ZCCHC8: variants seen among roughly 807,000 people sequenced by gnomAD.
ZCCHC8 encodes zinc finger CCHC domain-containing protein 8.
Under a neutral mutation model 70.6 loss-of-function variants are expected in ZCCHC8, and 27 were observed. The ratio of observed to expected loss-of-function variants is 0.38; its 90% confidence interval spans 0.28 to 0.53. ZCCHC8 has a LOEUF of 0.53. Among genes scored for constraint, ZCCHC8 ranks in the 20% least tolerant of loss-of-function variants. The pLI, the probability that ZCCHC8 is intolerant of heterozygous loss-of-function variation, is 0.81. For missense variants in ZCCHC8, 737 were observed against 876.9 expected, an observed-to-expected ratio of 0.84 and a Z score of 2.01; for synonymous variants, 293 against 317.4, an observed-to-expected ratio of 0.92 and a Z score of 0.82.
chr12:122,493,742 A>G (rs912700585), intron 2 of ZCCHC8, among the ~76,000 whole-genome samples: 1 of 151,746 alleles, frequency 6.6e-6, no homozygotes, highest in African/African-American at 2.4e-5. Flanking sequence ...CTTCCCAAGT[A>G]GCTGGGACTA....
chr12:122,475,192 G>A (rs562178541), intron 13 of ZCCHC8, among the ~76,000 whole-genome samples: 13 of 151,744 alleles, frequency 8.6e-5, no homozygotes, highest in African/African-American at 1.7e-4. Context: ...GGATTACAGC[G>A]CACGCCAACA....
Position 122,500,727 on chromosome 12 carries a change from C to G in ZCCHC8, c.114G>C (p.Glu38Asp). Residue 38 changes from glutamate to aspartate, a missense_variant, in exon 1 of 14, where the codon GAG (glutamate) becomes GAC (aspartate). By Grantham distance (45) the Glu-to-Asp change is conservative (BLOSUM62 2). Transcript: ENST00000633063. This position sits in a 1 kb window ranked among gnomAD's most constrained non-coding sequence, Gnocchi z 4.8. Reference protein sequence around the residue: ...HTRFKDDDGDEEDENGVGDAE... With the variant: ...HTRFKDDDGDDEDENGVGDAE... ...CGTCGCCGACCCCATTTTCGTCCTC[C>G]TCGTCGCCGTCGTCGTCCTTGAAGC... 1 of 1,583,846 alleles carries G rather than the reference C, an allele frequency of 6.3e-7. No homozygotes were observed. The highest frequency in any genetic ancestry group is 1.2e-5 in the South Asian group (1 of 86,602).
chr12:122,476,334 C>T (rs1263786612), intron 13 of ZCCHC8, among the ~76,000 whole-genome samples: 1 of 152,176 alleles, frequency 6.6e-6, no homozygotes, highest in Non-Finnish European at 1.5e-5. Flanking sequence ...AGCACGGTGG[C>T]TCATGCCAGT....
At chr12:122,499,165 C>A in intron 1 of ZCCHC8, 1 of 436,952 alleles carries the variant, frequency 2.3e-6, no homozygotes, top group Non-Finnish European at 4.1e-6. Context: ...CCTGTCAAAC[C>A]TTTCAACAAC....
rs536122154 is a variant in ZCCHC8, at chr12:122,482,989, C to A, written c.671+290G>T. 3.6e-4 allele frequency: 188 copies of A among 520,868 alleles called. No homozygotes were observed. In the South Asian group the frequency reaches 5.2e-3, roughly 14 times the overall value. The allele number at this position is 520,868 out of a possible 1,614,324, so 32.3% of individuals were successfully genotyped here. A position where few individuals can be genotyped will look rare whatever the true frequency, so the allele number is the denominator to read the frequency against. ...CAAGGTGAACACATTGATCATATTT[C>A]CGTTAGGTAACATGGAAAGAAGGCA... On this transcript the variant is annotated intron_variant, in intron 7 of 13. Coordinates refer to ENST00000633063, the MANE Select transcript of ZCCHC8 (RefSeq NM_017612.5).
intron 9 of ZCCHC8, 107 bp from the exon 10 acceptor site, chr12:122,481,771 C>T (rs1036900774): frequency 1.1e-5 from 15 of 1,384,014 alleles, no homozygotes; most frequent in African/African-American, 1.5e-5. Context: ...CATACCATGA[C>T]GTCTAACAAA....
chr12:122,479,972 G>C (rs2137330941), intron 11 of ZCCHC8, among the ~76,000 whole-genome samples: 1 of 152,094 alleles, frequency 6.6e-6, no homozygotes, highest in Admixed American at 6.6e-5. Flanking sequence ...CACCACCCTT[G>C]GCTAGTTTTT....
At chr12:122,493,650 T>C (rs562119332) in intron 2 of ZCCHC8, among the ~76,000 whole-genome samples, 1 of 152,306 alleles carries the variant, frequency 6.6e-6, no homozygotes, top group Non-Finnish European at 1.5e-5. Context: ...TCTCACTCTG[T>C]TGCCCAGGCT....
intron 13 of ZCCHC8, among the ~76,000 whole-genome samples, chr12:122,474,891 C>T (rs762089862): frequency 2.6e-5 from 4 of 151,790 alleles, no homozygotes; most frequent in Non-Finnish European, 5.9e-5. Flanking sequence ...TGCACCACCA[C>T]GCCTGGCAAA....
At chr12:122,494,890 A>G (rs1376478575) in intron 2 of ZCCHC8, among the ~76,000 whole-genome samples, 1 of 152,208 alleles carries the variant, frequency 6.6e-6, no homozygotes, top group Non-Finnish European at 1.5e-5. Flanking sequence ...ATGCAGCTGC[A>G]TGGTTCCTAA....
intron 5 of ZCCHC8, chr12:122,484,057 C>A (rs974298737): frequency 6.4e-6 from 1 of 156,658 alleles, no homozygotes; most frequent in African/African-American, 2.4e-5. Context: ...TTTTGTCTGC[C>A]TCTCTCTCTC....
Position 122,482,046 on chromosome 12 carries a change from A to G in ZCCHC8, c.774T>C (p.Tyr258=). 6.2e-7 allele frequency: 1 copy of G among 1,612,156 alleles called. No homozygotes were observed. The highest frequency in any genetic ancestry group is 8.5e-7 in the Non-Finnish European group (1 of 1,179,354). Residue 258 remains tyrosine (Y), a synonymous_variant, in exon 9 of 14, where the codon TAT becomes TAC. Coordinates refer to ENST00000633063, the MANE Select transcript of ZCCHC8 (RefSeq NM_017612.5). ...AARISEKRKE[Y]MDACGEANNQ... The stretch of plus-strand genomic sequence containing the variant: ...TGTTTGCTTCTCCACAGGCATCCAT[A>G]TACTCTTTTCTCTTTTCACTTATTC...
At chr12:122,494,513 T>C (rs989915460) in intron 2 of ZCCHC8, among the ~76,000 whole-genome samples, 1 of 149,938 alleles carries the variant, frequency 6.7e-6, no homozygotes, top group Non-Finnish European at 1.5e-5. Flanking sequence ...TGAGCCAAGA[T>C]TGTGCCACTG....
In ZCCHC8 at chr12:122,477,022, AAAAC is replaced by A. The variant is rs779624018; in HGVS notation, c.1345+815_1345+818del. On this transcript the variant is annotated intron_variant, in intron 13 of 13. Coordinates refer to ENST00000633063, the MANE Select transcript of ZCCHC8 (RefSeq NM_017612.5). ...GGGAGACAGTGAAACTCTGTCTCGA[AAAAC>A]AACCGAAAAAACAAAGAAAAACTTA... Among the ~76,000 whole-genome samples the A allele has an allele frequency of 3.9e-5, 6 of 151,920 alleles. No individual in the cohort carries two copies. In the East Asian group the frequency reaches 7.8e-4, roughly 20 times the overall value.
intron 2 of ZCCHC8, among the ~76,000 whole-genome samples, chr12:122,497,219 G>A (rs1957840073): frequency 6.6e-6 from 1 of 152,076 alleles, no homozygotes. Context: ...ACTGCAGCCA[G>A]TTATTCCAAC....
chr12:122,480,292 T>C lies in ZCCHC8; in HGVS notation c.1038A>G (p.Thr346=). 6.2e-7 allele frequency: 1 copy of C among 1,610,640 alleles called. No individual in the cohort carries two copies. The highest frequency in any genetic ancestry group is 8.5e-7 in the Non-Finnish European group (1 of 1,178,082). Residue 346 remains threonine (T), a synonymous_variant, in exon 11 of 14, where the codon ACA becomes ACG. Coordinates refer to ENST00000633063, the MANE Select transcript of ZCCHC8 (RefSeq NM_017612.5). The part of the protein sequence containing the change: ...YDGKDGTDGE[T]EVGEIQQNKS... Reference sequence around the variant, plus strand: ...TATTCTGTTGTATTTCTCCAACTTCTGTTTCCCCATCAGTGCCATCTATTA... The same window carrying C: ...TATTCTGTTGTATTTCTCCAACTTCCGTTTCCCCATCAGTGCCATCTATTA...
In ZCCHC8 at chr12:122,483,735, G is replaced by A. The variant is rs1029718200; in HGVS notation, c.502-172C>T. The A allele has an allele frequency of 3.0e-5, 18 of 602,952 alleles. No individual in the cohort carries two copies. Among genetic ancestry groups the A allele is most frequent in the Middle Eastern group, 4.4e-4 (1 of 2,250 alleles). The allele number at this position is 602,952 out of a possible 1,614,324, so 37.4% of individuals were successfully genotyped here. On this transcript the variant is annotated intron_variant, in intron 5 of 13. Transcript: ENST00000633063. This position sits in a 1 kb window ranked among gnomAD's most constrained non-coding sequence, Gnocchi z 4.4. ...TTGATGTGTAAGTAGAAACTACATC[G>A]TCAGTTCCCTCTCTCTGCTAGATCA... is the stretch of plus-strand genomic sequence containing the variant.
chr12:122,476,679 T>C (rs1394413413), intron 13 of ZCCHC8, among the ~76,000 whole-genome samples: 1 of 151,806 alleles, frequency 6.6e-6, no homozygotes, highest in Non-Finnish European at 1.5e-5. Context: ...CAGAAGTGTG[T>C]GACCCTGGTG....
chr12:122,496,116 G>A (rs573512388), intron 2 of ZCCHC8, among the ~76,000 whole-genome samples: 1 of 152,052 alleles, frequency 6.6e-6, no homozygotes, highest in Non-Finnish European at 1.5e-5. Flanking sequence ...GCAGTGAGCA[G>A]TAACTGCACG....
Sources: allele counts gnomAD v4.1 joint callset (sites outside exome capture counted in the v4.1 genomes callset), GRCh38; gene constraint gnomAD v4.1.1; non-coding constraint Gnocchi (gnomAD v3.1); transcripts MANE v1.5; gene names NCBI Gene and HGNC (gene_info 2026-07-23, HGNC 2026-07-21).